Variants in LHX8 observed in about 807,000 individuals in gnomAD.
LHX8 encodes the protein LIM/homeobox protein Lhx8.
In LHX8, 12 loss-of-function variants were observed where a neutral mutation model predicts 40.3. That is an observed-to-expected ratio of 0.30 (90% CI 0.19 to 0.48). The LOEUF is 0.48. LHX8 is among the 20% of genes least tolerant of loss of function. LHX8 has a pLI of 0.99. For missense variants in LHX8, 344 were observed against 433.7 expected, an observed-to-expected ratio of 0.79 and a Z score of 1.84; for synonymous variants, 179 against 162.0, an observed-to-expected ratio of 1.10 and a Z score of -0.80.
chr1:75,133,483 C>T (rs1570281295), upstream of LHX8, among the ~76,000 whole-genome samples: 1 of 152,110 alleles, frequency 6.6e-6, no homozygotes, highest in East Asian at 1.9e-4. Context: ...AAAGCAAAAT[C>T]CTATGATTCT....
the LHX8 span, among the ~76,000 whole-genome samples, chr1:75,167,957 T>G: frequency 0.12 from 18,085 of 152,266 alleles, 1,301 homozygotes; most frequent in Middle Eastern, 0.22. Context: ...TGTTTTTATC[T>G]GAGTTACCCA....
chr1:75,194,229 T>C, the LHX8 span, among the ~76,000 whole-genome samples: 1 of 147,922 alleles, frequency 6.8e-6, no homozygotes, highest in Admixed American at 6.6e-5. Context: ...TTTACTAAGT[T>C]CCACCTGTGT....
At chr1:75,186,232 C>A in the LHX8 span, among the ~76,000 whole-genome samples, 2 of 152,100 alleles carry the variant, frequency 1.3e-5, no homozygotes, top group Admixed American at 6.5e-5. Context: ...CTCAAACAAC[C>A]AAAGCAATCC....
chr1:75,149,527 T>TA (rs1398972478), intron 7 of LHX8, among the ~76,000 whole-genome samples: 10 of 152,140 alleles, frequency 6.6e-5, no homozygotes, highest in Admixed American at 5.9e-4. Context: ...TGTTTGTTTC[T>TA]GAAGAGACAC....
chr1:75,167,589 A>C, the LHX8 span, among the ~76,000 whole-genome samples: 1 of 152,148 alleles, frequency 6.6e-6, no homozygotes, highest in African/African-American at 2.4e-5. Context: ...AATGTGGGTG[A>C]GTTCTTTGTG....
chr1:75,171,743 G>C, the LHX8 span, among the ~76,000 whole-genome samples: 3 of 152,258 alleles, frequency 2.0e-5, no homozygotes, highest in South Asian at 6.2e-4. Context: ...TGCTGTTCCA[G>C]GTTTCAGACG....
At chr1:75,153,819 G>A (rs1309192015) in intron 7 of LHX8, among the ~76,000 whole-genome samples, 1 of 152,026 alleles carries the variant, frequency 6.6e-6, no homozygotes, top group Non-Finnish European at 1.5e-5. Context: ...TAATTTATCT[G>A]GCTTGGTTCA....
At chr1:75,143,038 A>G (rs979428056) in intron 4 of LHX8, 80 bp from the exon 5 acceptor site, 6 of 1,043,566 alleles carry the variant, frequency 5.7e-6, no homozygotes, top group Non-Finnish European at 9.0e-6. Context: ...GGGTAAGATA[A>G]TGTGCTGGTT....
intron 4 of LHX8, 54 bp from the exon 5 acceptor site, chr1:75,143,064 G>T: frequency 7.2e-7 from 1 of 1,382,308 alleles, no homozygotes; most frequent in Non-Finnish European, 1.0e-6. Flanking sequence ...TTCGACTGAT[G>T]AATATCTCAC....
chr1:75,153,566 C>T (rs557615845), intron 7 of LHX8, among the ~76,000 whole-genome samples: 2 of 151,706 alleles, frequency 1.3e-5, no homozygotes, highest in Admixed American at 6.6e-5. Flanking sequence ...CACCTGCCAT[C>T]ATGACTGGCT....
the LHX8 span, among the ~76,000 whole-genome samples, chr1:75,172,835 C>T: frequency 6.6e-6 from 1 of 152,120 alleles, no homozygotes; most frequent in African/African-American, 2.4e-5. Context: ...GGGCCCCCTG[C>T]CTGAATCTCC....
intron 6 of LHX8, among the ~76,000 whole-genome samples, chr1:75,148,375 G>A (rs983201246): frequency 6.6e-6 from 1 of 152,098 alleles, no homozygotes; most frequent in African/African-American, 2.4e-5. Flanking sequence ...ACATTGAAAT[G>A]GATTTTTTTA....
the LHX8 span, among the ~76,000 whole-genome samples, chr1:75,173,527 C>T: frequency 1.3e-5 from 2 of 151,646 alleles, no homozygotes; most frequent in African/African-American, 4.8e-5. Context: ...GGACTTCAGG[C>T]GCCCACCACC....
chr1:75,160,477 C>A, intron 8 of LHX8: 1 of 301,850 alleles, frequency 3.3e-6, no homozygotes, highest in Non-Finnish European at 6.3e-6. Flanking sequence ...GAAGATCATC[C>A]TATACAAACA....
Position 75,161,195 on chromosome 1 carries a change from C to G in LHX8, c.*300C>G. On this transcript the variant is annotated 3_prime_UTR_variant, in exon 9 of 9. Transcript: ENST00000356261. ...TATTTGTCATCAAAAGAGCACTTTGCCTAAAAGAAAGGACTGACAAGTGTG... is the reference window on the plus strand; with the variant it reads ...TATTTGTCATCAAAAGAGCACTTTGGCTAAAAGAAAGGACTGACAAGTGTG... 6.2e-6 allele frequency: 2 copies of G among 323,484 alleles called. No homozygotes were observed. Among genetic ancestry groups the G allele is most frequent in the Non-Finnish European group, 1.2e-5 (2 of 173,200 alleles). The allele number at this position is 323,484 out of a possible 1,614,324, so 20.0% of individuals were successfully genotyped here.
At chr1:75,166,252 C>G (rs1165918674), downstream of LHX8, among the ~76,000 whole-genome samples, 1 of 152,168 alleles carries the variant, frequency 6.6e-6, no homozygotes, top group Non-Finnish European at 1.5e-5. Context: ...TGTTTTTACT[C>G]CAACCTCCCT....
chr1:75,155,233 T>C (rs1451616316), intron 7 of LHX8, among the ~76,000 whole-genome samples: 1 of 142,008 alleles, frequency 7.0e-6, no homozygotes. Flanking sequence ...ACACTCTCTT[T>C]TTTTTTTTTT....
the LHX8 span, among the ~76,000 whole-genome samples, chr1:75,188,901 C>G: frequency 1.2e-4 from 19 of 152,296 alleles, no homozygotes; most frequent in East Asian, 3.7e-3. Flanking sequence ...TTAACACCCT[C>G]TATGGACACT....
At position 75,161,334 on chromosome 1, in the gene LHX8, CT is replaced by C. The variant is rs1648913890; in HGVS notation, c.*441del. ...TTATATACAACTTTATACTTTGAAG[CT>C]TGTATCTGTGAATTTGCAACTGAAA... is the stretch of plus-strand genomic sequence containing the variant. On this transcript the variant is annotated 3_prime_UTR_variant, in exon 9 of 9. Coordinates refer to ENST00000356261, the MANE Select transcript of LHX8 (RefSeq NM_001256114.2). The C allele has an allele frequency of 5.8e-6, 1 of 171,304 alleles. No individual in the cohort carries two copies. Among genetic ancestry groups the C allele is most frequent in the Non-Finnish European group, 1.3e-5 (1 of 79,990 alleles). The allele number at this position is 171,304 out of a possible 1,614,324, so 10.6% of individuals were successfully genotyped here.
Sources: gnomAD v4.1 joint callset for allele counts (sites outside exome capture counted in the v4.1 genomes callset) on GRCh38, gnomAD v4.1.1 for gene constraint, MANE v1.5 for transcripts, NCBI Gene and HGNC (gene_info 2026-07-23, HGNC 2026-07-21) for gene names.